The following ZP2 variants were observed in gnomAD, a reference collection of about 807,000 sequenced individuals.
The protein encoded by ZP2 is zona pellucida sperm-binding protein 2.
In ZP2, 51 loss-of-function variants were observed where a neutral mutation model predicts 84.0. The observed-to-expected ratio is 0.61, with a 90% CI of 0.49 to 0.77. ZP2 has a LOEUF of 0.77. ZP2 is among the 30% of genes least tolerant of loss of function. ZP2 has a pLI of 0.00. For missense variants in ZP2, 909 were observed against 911.9 expected, an observed-to-expected ratio of 1.00 and a Z score of 0.04; for synonymous variants, 375 against 330.9, an observed-to-expected ratio of 1.13 and a Z score of -1.45.
intron 14 of ZP2, among the ~76,000 whole-genome samples, chr16:21,200,560 C>T (rs545887314): frequency 1.2e-4 from 18 of 152,302 alleles, no homozygotes; most frequent in African/African-American, 2.6e-4. Flanking sequence ...GGACAGGACA[C>T]GGCAGGAGAG....
intron 2 of ZP2, 151 bp downstream of exon 2, chr16:21,211,156 T>G (rs1481135770): frequency 7.2e-6 from 5 of 695,054 alleles, no homozygotes; most frequent in Non-Finnish European, 1.2e-5. Context: ...GTCTACAGGT[T>G]AGCAGAAGAA....
At chr16:21,208,352 G>A (rs1483379321) in intron 4 of ZP2, among the ~76,000 whole-genome samples, 1 of 152,194 alleles carries the variant, frequency 6.6e-6, no homozygotes, top group Non-Finnish European at 1.5e-5. Flanking sequence ...TTTCATGAAG[G>A]ACCTATGATT....
intron 14 of ZP2, among the ~76,000 whole-genome samples, chr16:21,200,099 G>C (rs1003524249): frequency 2.0e-5 from 3 of 152,168 alleles, no homozygotes; most frequent in African/African-American, 7.2e-5. Context: ...AGCAGTACCT[G>C]TTTGCCAACT....
chr16:21,201,107 G>A (rs1321222150), intron 14 of ZP2, among the ~76,000 whole-genome samples: 1 of 151,962 alleles, frequency 6.6e-6, no homozygotes, highest in African/African-American at 2.4e-5. Context: ...GCTGAGGTAG[G>A]AGAATTGCTT....
rs147707945 is a variant in ZP2 at position 21,201,470 on chromosome 16, T to A, written c.1593A>T (p.Leu531=). The change falls in exon 14 of 19, where the codon CTA becomes CTT. Residue 531 remains leucine, a synonymous_variant. Coordinates refer to ENST00000574091, the MANE Select transcript of ZP2 (RefSeq NM_001376232.1). ...RQPIYMEVRV[L]NRDDPNIKLV... is the part of the protein sequence containing the mutation. ...GCTTGATGTTGGGGTCATCCCTGTT[T>A]AGGACTCTCACTTCCATGTAAATTG... The A allele has an allele frequency of 5.0e-6, 8 of 1,613,856 alleles. No homozygotes were observed. In the East Asian group the frequency reaches 1.8e-4, roughly 36 times the overall value.
At chr16:21,200,783 A>C (rs2093221373) in intron 14 of ZP2, among the ~76,000 whole-genome samples, 1 of 152,238 alleles carries the variant, frequency 6.6e-6, no homozygotes, top group Non-Finnish European at 1.5e-5. Context: ...TGTGCCTGGC[A>C]TATGGTAGGT....
chr16:21,213,101 G>A (rs2093280832), upstream of ZP2, among the ~76,000 whole-genome samples: 1 of 152,196 alleles, frequency 6.6e-6, no homozygotes, highest in African/African-American at 2.4e-5. Flanking sequence ...TGGGAGTGCA[G>A]TGGCGCAATC....
rs140032829 is a variant in ZP2, at chr16:21,203,135, G to C, written c.1089C>G (p.Pro363=). 2.4e-5 allele frequency: 39 copies of C among 1,612,916 alleles called. No individual in the cohort carries two copies. Among genetic ancestry groups the C allele is most frequent in the South Asian group, 1.9e-4 (17 of 90,844 alleles). The change falls in exon 10 of 19, where the codon CCC becomes CCG. Residue 363 remains proline (P), a synonymous_variant. Transcript: ENST00000574091. ...VIYPECLCES[P]VSIVTGELCT... ...ATAAAAGGTCTTTACCTATAGAAAC[G>C]GGTGACTCACAGAGACACTCAGGAT...
At position 21,210,198 on chromosome 16, in the gene ZP2, G is replaced by T. The variant is rs764861147; in HGVS notation, c.152-6C>A. 3 of 1,613,634 alleles carry T rather than the reference G, an allele frequency of 1.9e-6. No homozygotes were observed. The highest frequency in any genetic ancestry group is 1.7e-5 in the Admixed American group (1 of 59,986). On this transcript the variant is annotated splice_polypyrimidine_tract_variant and splice_region_variant and intron_variant, in intron 2 of 18. Transcript: ENST00000574091. ...TTCATCGCAAGTGACAGTGCCTAAG[G>T]AGCAAAGGAAGCATTTGGGGGCTTT... is the stretch of plus-strand genomic sequence containing the variant.
In ZP2 at chr16:21,205,731, C is replaced by T. The variant is rs781095380; in HGVS notation, c.528G>A (p.Lys176=). Reference sequence around the variant, plus strand: ...CTGATTTTTAAAATTTGCTTCATACCTTACTGTCGTCAGCCAAGCCAGAGA... The same window carrying T: ...CTGATTTTTAAAATTTGCTTCATACTTTACTGTCGTCAGCCAAGCCAGAGA... ...RVFSGLADDS[K]GTKVQMGWSI... Residue 176 remains lysine, a splice_region_variant and synonymous_variant, in exon 6 of 19, where the codon AAG becomes AAA. Coordinates refer to ENST00000574091, the MANE Select transcript of ZP2 (RefSeq NM_001376232.1). 1.9e-6 allele frequency: 3 copies of T among 1,613,964 alleles called. No individual in the cohort carries two copies. Among genetic ancestry groups the T allele is most frequent in the East Asian group, 4.5e-5 (2 of 44,852 alleles).
intron 4 of ZP2, among the ~76,000 whole-genome samples, 156 bp downstream of exon 4, chr16:21,209,475 G>A (rs1167713588): frequency 6.6e-6 from 1 of 152,172 alleles, no homozygotes; most frequent in Non-Finnish European, 1.5e-5. Context: ...GGCCTAGACA[G>A]ATTATAATAG....
chr16:21,208,179 C>G (rs1265713683), intron 4 of ZP2, among the ~76,000 whole-genome samples: 1 of 152,208 alleles, frequency 6.6e-6, no homozygotes, highest in Non-Finnish European at 1.5e-5. Context: ...ATTGCAGCCA[C>G]TACTTTCCAG....
chr16:21,205,382 T>C (rs2093244734), intron 7 of ZP2, 38 bp downstream of exon 7: 1 of 1,605,052 alleles, frequency 6.2e-7, no homozygotes, highest in East Asian at 2.2e-5. Context: ...AATACTGGCC[T>C]GTGCTTTGGT....
chr16:21,203,303 C>T (rs372562776), intron 9 of ZP2, 52 bp from the exon 10 acceptor site: 138 of 1,604,218 alleles, frequency 8.6e-5, no homozygotes, highest in South Asian at 3.8e-4. Context: ...GGCCCGGAAC[C>T]GTCACAGGGA....
chr16:21,198,113 G>A (rs1205185356), intron 17 of ZP2, among the ~76,000 whole-genome samples: 1 of 115,568 alleles, frequency 8.7e-6, no homozygotes, highest in Non-Finnish European at 1.8e-5. Context: ...TTTTTTTTGT[G>A]GCCGGGTGTG....
chr16:21,210,570 T>A (rs2093270097), intron 2 of ZP2, among the ~76,000 whole-genome samples: 1 of 151,888 alleles, frequency 6.6e-6, no homozygotes, highest in African/African-American at 2.4e-5. Context: ...GTCCCAGGAC[T>A]TTTATTTATT....
At position 21,201,620 on chromosome 16, in the gene ZP2, C is replaced by T. The variant is rs1330422131; in HGVS notation, c.1505-62G>A. 1.0e-5 allele frequency: 16 copies of T among 1,607,324 alleles called. No homozygotes were observed. In the East Asian group the frequency reaches 3.3e-4, roughly 34 times the overall value. On this transcript the variant is annotated intron_variant, in intron 13 of 18. Coordinates refer to ENST00000574091, the MANE Select transcript of ZP2 (RefSeq NM_001376232.1). ...AACACAGATTCATAGGTCATCACTG[C>T]TCCATTAGTCTGGCAGTATCAGGAT...
At chr16:21,209,531 A>T in intron 4 of ZP2, 100 bp downstream of exon 4, 1 of 1,037,280 alleles carries the variant, frequency 9.6e-7, no homozygotes, top group Non-Finnish European at 1.5e-6. Context: ...GTTGAGAGCC[A>T]CTGCTTTACT....
chr16:21,214,246 T>G (rs532078750), upstream of ZP2: 2 of 985,260 alleles, frequency 2.0e-6, no homozygotes, highest in East Asian at 1.1e-4. Flanking sequence ...ACCTGTGGTG[T>G]GCTGGGGACA....
Sources: gnomAD v4.1 joint callset for allele counts (sites outside exome capture counted in the v4.1 genomes callset) on GRCh38, gnomAD v4.1.1 for gene constraint, MANE v1.5 for transcripts, NCBI Gene and HGNC (gene_info 2026-07-23, HGNC 2026-07-21) for gene names.